Variants in EPRS1 observed in about 807,000 individuals in gnomAD.
EPRS1 encodes glutamyl-prolyl-tRNA synthetase 1, also known as bifunctional glutamate/proline--tRNA ligase.
In EPRS1, 107 loss-of-function variants were observed where a neutral mutation model predicts 188.3. The observed-to-expected ratio is 0.57, with a 90% CI of 0.49 to 0.67. EPRS1 has a LOEUF of 0.67. Ranked by LOEUF, EPRS1 falls within the 30% of genes least tolerant of loss-of-function variation. The pLI is 0.00. For synonymous variants in EPRS1, 596 were observed against 593.1 expected, an observed-to-expected ratio of 1.00 and a Z score of -0.07; for missense variants, 1,577 against 1,802.2, an observed-to-expected ratio of 0.88 and a Z score of 2.26.
rs191362516 is a variant in EPRS1 at position 219,985,606 on chromosome 1, T to A, written c.3039-1349A>T. Among the ~76,000 whole-genome samples the A allele has an allele frequency of 2.2e-4, 33 of 152,122 alleles. 1 individual carries two copies. The highest frequency in any genetic ancestry group is 2.2e-3 in the Admixed American group (33 of 15,284). On this transcript the variant is annotated intron_variant, in intron 20 of 31. Coordinates refer to ENST00000366923, the MANE Select transcript of EPRS1 (RefSeq NM_004446.3). ...TTTTAGTAGAGGCGGAGCTTTGACA[T>A]GTTGGCCAGGCTGGTCTCAAACTCC... is the stretch of plus-strand genomic sequence containing the variant.
intron 26 of EPRS1, 111 bp from the exon 27 acceptor site, chr1:219,979,726 T>C (rs1183089643): frequency 2.9e-6 from 2 of 681,354 alleles, no homozygotes; most frequent in South Asian, 2.0e-5. Context: ...TTTTTCTCCC[T>C]TTTTTTACAT....
In EPRS1 at chr1:220,002,382, C is replaced by T. The variant is rs189877955; in HGVS notation, c.2064-1127G>A. 2.3e-4 allele frequency among the ~76,000 whole-genome samples: 35 copies of T among 151,880 alleles called. 2 individuals carry two copies. The highest frequency in any genetic ancestry group is 1.6e-3 in the Admixed American group (25 of 15,238). ...ATTGACAGTCCTTATTACAAACTTC[C>T]AATCTATGAACTTTCGTCCATATGA... On this transcript the variant is annotated intron_variant, in intron 16 of 31. Transcript: ENST00000366923.
rs1187897357 is a variant in EPRS1 at position 220,014,749 on chromosome 1, A to G, written c.1495-3693T>C. Among the ~76,000 whole-genome samples the G allele has an allele frequency of 3.3e-5, 5 of 150,488 alleles. No homozygotes were observed. The South Asian group carries it at 1.1e-3, about 32-fold the overall frequency. On this transcript the variant is annotated intron_variant, in intron 12 of 31. Coordinates refer to ENST00000366923, the MANE Select transcript of EPRS1 (RefSeq NM_004446.3). ...GCCAGATCATTGTACAGTGAAGCTC[A>G]GTTGAAAGCCCAACTCTCATTCTTC...
chr1:220,021,723 TTAAAG>T (rs1216623483), intron 9 of EPRS1, among the ~76,000 whole-genome samples: 15 of 152,336 alleles, frequency 9.8e-5, no homozygotes, highest in South Asian at 8.3e-4. Context: ...ACCCATGAGT[TTAAAG>T]TAAGTCACAT....
At chr1:220,044,711 A>AAAAAAAAAAAAAAAAAAAAAAAAAT (rs1558064845) in intron 1 of EPRS1, among the ~76,000 whole-genome samples, 1 of 124,896 alleles carries the variant, frequency 8.0e-6, no homozygotes. Context: ...AAAAAAAAAA[A>AAAAAAAAAAAAAAAAAAAAAAAAAT]AACAGTATCA....
At chr1:220,014,434 G>A (rs1263773747) in intron 12 of EPRS1, among the ~76,000 whole-genome samples, 4 of 152,064 alleles carry the variant, frequency 2.6e-5, no homozygotes, top group Non-Finnish European at 4.4e-5. Flanking sequence ...CCCCTACCTT[G>A]ACAAAAGACT....
At chr1:220,025,095 T>C in intron 7 of EPRS1, 37 bp downstream of exon 7, 5 of 1,601,280 alleles carry the variant, frequency 3.1e-6, no homozygotes, top group Non-Finnish European at 4.3e-6. Flanking sequence ...TTTAATTCAC[T>C]TTTCTGGCAA....
At chr1:220,033,979 C>T (rs1453212470) in intron 3 of EPRS1, among the ~76,000 whole-genome samples, 1 of 150,536 alleles carries the variant, frequency 6.6e-6, no homozygotes, top group Non-Finnish European at 1.5e-5. Context: ...CCTGAATGAA[C>T]CGAAGGGATG....
chr1:219,979,217 TA>T (rs772378277), intron 27 of EPRS1, among the ~76,000 whole-genome samples, 200 bp downstream of exon 27: 1 of 152,196 alleles, frequency 6.6e-6, no homozygotes, highest in South Asian at 2.1e-4. Flanking sequence ...ATAAGTAGCT[TA>T]AAAATTAAAA....
Position 219,983,359 on chromosome 1 carries a change from T to C in EPRS1, c.3130A>G (p.Ser1044Gly), listed in dbSNP as rs1660936366. 6.2e-7 allele frequency: 1 copy of C among 1,613,740 alleles called. No individual in the cohort carries two copies. Among genetic ancestry groups the C allele is most frequent in the Admixed American group, 1.7e-5 (1 of 60,000 alleles). ...CAGGGACGAAGAATATAACAGCCAC[T>C]TATGTCATGGTATTCAATCATTTCT... is the stretch of plus-strand genomic sequence containing the variant. ...KSEMIEYHDI[S>G]GCYILRPWAY... The change falls in exon 22 of 32, where the codon AGT (serine) becomes GGT (glycine). Residue 1044 changes from serine (S) to glycine (G), a missense_variant. By Grantham distance (56) the Ser-to-Gly change is moderately conservative (BLOSUM62 0). Around this residue, in one of 3 missense-constraint regions of EPRS1, gnomAD observed 1,278 missense variants for 1,457.4 expected, o/e 0.88. Transcript: ENST00000366923.
At chr1:219,985,697 G>T (rs565588300) in intron 20 of EPRS1, among the ~76,000 whole-genome samples, 1 of 152,236 alleles carries the variant, frequency 6.6e-6, no homozygotes, top group South Asian at 2.1e-4. Context: ...GAACCACCAC[G>T]CCTGGCCTCA....
intron 13 of EPRS1, among the ~76,000 whole-genome samples, chr1:220,007,621 G>A (rs1042703135): frequency 6.6e-6 from 1 of 152,154 alleles, no homozygotes; most frequent in African/African-American, 2.4e-5. Flanking sequence ...CATCAGATCA[G>A]CAACCTGACC....
chr1:219,985,237 C>T (rs536603040), intron 20 of EPRS1, among the ~76,000 whole-genome samples: 1 of 151,980 alleles, frequency 6.6e-6, no homozygotes, highest in Non-Finnish European at 1.5e-5. Context: ...CACACCTATT[C>T]TCCCACTAAA....
At chr1:220,027,858 T>A (rs1379690143) in intron 6 of EPRS1, among the ~76,000 whole-genome samples, 1 of 151,496 alleles carries the variant, frequency 6.6e-6, no homozygotes, top group Non-Finnish European at 1.5e-5. Flanking sequence ...TAATTAAAAA[T>A]TTTTTAAAAA....
Position 219,978,641 on chromosome 1 carries a change from A to G in EPRS1, c.3988T>C (p.Tyr1330His). Residue 1330 changes from tyrosine (Y) to histidine (H), a missense_variant, in exon 28 of 32, where the codon TAT becomes CAT. By Grantham distance (83) the Tyr-to-His change is moderately conservative. This residue lies in a region of EPRS1 where 296 missense variants were observed against 327.9 expected (regional missense o/e 0.90). Transcript: ENST00000366923. ...KEALIAKCND[Y>H]RRRLLSVNIR... ...TTAACACTGAGTAATCGCCTTCGAT[A>G]ATCATTGCATTTTGCAATCAGCGCT... The G allele has an allele frequency of 6.2e-7, 1 of 1,612,736 alleles. No individual in the cohort carries two copies. Among genetic ancestry groups the G allele is most frequent in the Non-Finnish European group, 8.5e-7 (1 of 1,179,114 alleles).
intron 20 of EPRS1, among the ~76,000 whole-genome samples, chr1:219,986,743 G>A (rs1007343613): frequency 6.6e-6 from 1 of 151,848 alleles, no homozygotes; most frequent in African/African-American, 2.4e-5. Flanking sequence ...TGTATAATTA[G>A]GCTACCAATC....
chr1:220,041,640 A>C (rs1216116261), intron 1 of EPRS1, among the ~76,000 whole-genome samples: 1 of 152,202 alleles, frequency 6.6e-6, no homozygotes, highest in Non-Finnish European at 1.5e-5. Flanking sequence ...CGGGAGTTCG[A>C]GACCAGCCTG....
chr1:220,029,530 G>A (rs1249015045), intron 6 of EPRS1, among the ~76,000 whole-genome samples: 1 of 152,142 alleles, frequency 6.6e-6, no homozygotes, highest in Non-Finnish European at 1.5e-5. Flanking sequence ...ACTATAGAAA[G>A]GTGAGAACTT....
Position 219,996,361 on chromosome 1 carries a change from G to C in EPRS1, c.2541+622C>G, listed in dbSNP as rs75922296. 5.3e-3 allele frequency among the ~76,000 whole-genome samples: 812 copies of C among 152,318 alleles called. 7 individuals are homozygous for C. Among genetic ancestry groups the C allele is most frequent in the African/African-American group, 0.019 (788 of 41,574 alleles). ...TATTCCTTGAATACACCTTGTACCT[G>C]CTGACCTCTACCTCTGCTGGTACTG... On this transcript the variant is annotated intron_variant, in intron 18 of 31. Transcript: ENST00000366923.
Sources: gnomAD v4.1 joint callset for allele counts (sites outside exome capture counted in the v4.1 genomes callset) on GRCh38, gnomAD v4.1.1 for gene constraint, gnomAD v4.1.1 regional missense constraint, MANE v1.5 for transcripts, NCBI Gene and HGNC (gene_info 2026-07-23, HGNC 2026-07-21) for gene names.